The following PPFIA1 variants were observed in gnomAD, a reference collection of about 807,000 sequenced individuals.
PPFIA1 encodes the protein PPFI scaffold protein A1, also known as liprin-alpha-1.
PPFIA1 carries 25 observed loss-of-function variants against 149.9 expected under a neutral mutation model. That is an observed-to-expected ratio of 0.17 (90% CI 0.12 to 0.23). PPFIA1 has a LOEUF of 0.23. PPFIA1 is among the 10% of genes least tolerant of loss of function. The pLI is 1.00. For missense variants in PPFIA1, 1,362 were observed against 1,506.5 expected (o/e 0.90, Z 1.59); for synonymous variants, 549 against 552.8 (o/e 0.99, Z 0.10).
chr11:70,295,805 C>T (rs919877905), intron 2 of PPFIA1, among the ~76,000 whole-genome samples: 35 of 151,412 alleles, frequency 2.3e-4, no homozygotes, highest in Non-Finnish European at 4.0e-4. Flanking sequence ...CCCTCCTGGA[C>T]GGGGCGGCTG....
intron 1 of PPFIA1, among the ~76,000 whole-genome samples, chr11:70,271,721 C>T (rs760442733): frequency 5.3e-5 from 8 of 152,150 alleles, no homozygotes; most frequent in Non-Finnish European, 1.0e-4. Flanking sequence ...TTGTACTTGT[C>T]AGTTTTGCTG....
intron 2 of PPFIA1, among the ~76,000 whole-genome samples, chr11:70,288,429 G>A (rs2051302086): frequency 6.6e-6 from 1 of 152,158 alleles, no homozygotes; most frequent in Non-Finnish European, 1.5e-5. Flanking sequence ...CCTTCTTGGT[G>A]ATAGAAAGTG....
At chr11:70,325,126 C>A in intron 4 of PPFIA1, 115 bp downstream of exon 4, 1 of 1,038,538 alleles carries the variant, frequency 9.6e-7, no homozygotes, top group Non-Finnish European at 1.3e-6. Flanking sequence ...GAAATAACTT[C>A]TCTAAGAAGA....
At chr11:70,293,418 C>CT (rs1166067942) in intron 2 of PPFIA1, among the ~76,000 whole-genome samples, 11 of 152,310 alleles carry the variant, frequency 7.2e-5, no homozygotes, top group African/African-American at 2.6e-4. Flanking sequence ...ATTTGCTAAC[C>CT]TGCAATTTCG....
intron 14 of PPFIA1, among the ~76,000 whole-genome samples, chr11:70,340,722 G>A (rs959050908): frequency 6.6e-6 from 1 of 152,102 alleles, no homozygotes; most frequent in Non-Finnish European, 1.5e-5. Context: ...TAGTGTGTGT[G>A]TGTTGACTAT....
At chr11:70,278,002 C>G (rs920886915) in intron 2 of PPFIA1, among the ~76,000 whole-genome samples, 3 of 152,108 alleles carry the variant, frequency 2.0e-5, no homozygotes, top group Admixed American at 2.0e-4. Flanking sequence ...CCACCGCCTC[C>G]CGGGTTCAAG....
At chr11:70,317,760 G>A (rs1046212533) in intron 2 of PPFIA1, among the ~76,000 whole-genome samples, 2 of 152,134 alleles carry the variant, frequency 1.3e-5, no homozygotes, top group African/African-American at 4.8e-5. Context: ...TGGATGGTCT[G>A]TGCAGTAGTA....
chr11:70,348,307 T>A lies in PPFIA1; in HGVS notation c.2050T>A (p.Tyr684Asn), dbSNP rs1565429728. 6.2e-7 allele frequency: 1 copy of A among 1,614,080 alleles called. No homozygotes were observed. Among genetic ancestry groups the A allele is most frequent in the East Asian group, 2.2e-5 (1 of 44,874 alleles). ...TAGATCAATGAGCTCCATTCCCCCC[T>A]ACCCTGCTTCCTCGCTTGCTAGCTC... ...RFRSMSSIPPYPASSLASSSP... is the reference protein window; with the variant it reads ...RFRSMSSIPPNPASSLASSSP... The change falls in exon 16 of 28, where the codon TAC (tyrosine) becomes AAC (asparagine). Residue 684 changes from tyrosine to asparagine, a missense_variant. By Grantham distance (143) the Tyr-to-Asn change is moderately radical. Around this residue, in one of 7 missense-constraint regions of PPFIA1, gnomAD observed 733 missense variants for 744.1 expected, o/e 0.99. Coordinates refer to ENST00000253925, the MANE Select transcript of PPFIA1 (RefSeq NM_003626.5).
At chr11:70,335,736 C>G (rs2054932418) in intron 11 of PPFIA1, 42 bp downstream of exon 11, 2 of 1,608,726 alleles carry the variant, frequency 1.2e-6, no homozygotes, top group African/African-American at 2.7e-5. Flanking sequence ...TTCCCACCCT[C>G]TGCCAAAAGA....
At chr11:70,320,411 G>T (rs994581543) in intron 2 of PPFIA1, among the ~76,000 whole-genome samples, 1 of 151,588 alleles carries the variant, frequency 6.6e-6, no homozygotes, top group African/African-American at 2.4e-5. Context: ...AAAGTGTTCA[G>T]TGGAGTTAGA....
chr11:70,355,856 A>G, intron 18 of PPFIA1, 45 bp downstream of exon 18: 1 of 1,571,346 alleles, frequency 6.4e-7, no homozygotes, highest in Non-Finnish European at 8.6e-7. Flanking sequence ...GGGGTCGGGG[A>G]GGAAGGCACT....
intron 24 of PPFIA1, 147 bp from the exon 25 acceptor site, chr11:70,376,385 C>T (rs1043102675): frequency 1.3e-5 from 10 of 752,312 alleles, no homozygotes; most frequent in South Asian, 7.0e-5. Context: ...CCTTGGCGTC[C>T]GAAAGTGTTG....
At chr11:70,373,753 TAAGA>T (rs1174633286) in intron 23 of PPFIA1, 1 of 152,156 alleles carries the variant, frequency 6.6e-6, no homozygotes, top group Non-Finnish European at 1.5e-5. Flanking sequence ...CACTTTATAC[TAAGA>T]AAGAAACTAA....
intron 2 of PPFIA1, among the ~76,000 whole-genome samples, chr11:70,291,172 C>T (rs11235761): frequency 0.043 from 6,541 of 152,222 alleles, 507 homozygotes; most frequent in African/African-American, 0.15. Context: ...AGGCGTGAGC[C>T]ACCACGCCCA....
chr11:70,309,349 G>A (rs977072482), intron 2 of PPFIA1, among the ~76,000 whole-genome samples: 1 of 152,070 alleles, frequency 6.6e-6, no homozygotes, highest in Non-Finnish European at 1.5e-5. Flanking sequence ...TGTATTTTTA[G>A]TAGAGACGGG....
At position 70,330,845 on chromosome 11, in the gene PPFIA1, G is replaced by C. The variant is rs1339720309; in HGVS notation, c.1077+526G>C. ...CTAGCTACTCAGGAGGCTAAGGAGG[G>C]AGGATGACTTGAGCCCTGGAGTTCA... is the stretch of plus-strand genomic sequence containing the variant. On this transcript the variant is annotated intron_variant, in intron 8 of 27. Coordinates refer to ENST00000253925, the MANE Select transcript of PPFIA1 (RefSeq NM_003626.5). Among the ~76,000 whole-genome samples, 6 of 152,258 alleles carry C rather than the reference G, an allele frequency of 3.9e-5. No homozygotes were observed. In the East Asian group the frequency reaches 1.2e-3, roughly 29 times the overall value.
chr11:70,331,377 A>AC (rs2054649085), intron 8 of PPFIA1, among the ~76,000 whole-genome samples: 1 of 151,060 alleles, frequency 6.6e-6, no homozygotes, highest in Non-Finnish European at 1.5e-5. Context: ...AAACAAACAA[A>AC]AAAAAAGCTT....
chr11:70,286,915 T>C (rs1303537427), intron 2 of PPFIA1, among the ~76,000 whole-genome samples: 1 of 147,232 alleles, frequency 6.8e-6, no homozygotes, highest in Non-Finnish European at 1.5e-5. Flanking sequence ...TCTGTGTGTG[T>C]ATACACACAT....
chr11:70,344,916 A>G (rs2137154627), intron 15 of PPFIA1, among the ~76,000 whole-genome samples: 1 of 152,380 alleles, frequency 6.6e-6, no homozygotes. Flanking sequence ...CAGGAGCAGC[A>G]GAGCAGGACA....
Sources: allele counts gnomAD v4.1 joint callset (sites outside exome capture counted in the v4.1 genomes callset), GRCh38; gene constraint gnomAD v4.1.1; regional missense constraint gnomAD v4.1.1; transcripts MANE v1.5; gene names NCBI Gene and HGNC (gene_info 2026-07-23, HGNC 2026-07-21).